IPMK: variants seen among roughly 807,000 people sequenced by gnomAD.
IPMK encodes inositol polyphosphate multikinase, also known as inositol 1,3,4,6-tetrakisphosphate 5-kinase.
Under a neutral mutation model 45.8 loss-of-function variants are expected in IPMK, and 17 were observed. That is an observed-to-expected ratio of 0.37 (90% CI 0.25 to 0.56). The LOEUF is 0.56. IPMK is among the 20% of genes least tolerant of loss of function. The probability of loss-of-function intolerance (pLI) is 0.79; values close to 1 mark genes in which losing one functional copy is unlikely to be tolerated. For synonymous variants in IPMK, 180 were observed against 184.3 expected (o/e 0.98, Z 0.19); for missense variants, 399 against 498.0 (o/e 0.80, Z 1.89).
chr10:58,222,028 C>A (rs1421279810), intron 3 of IPMK, among the ~76,000 whole-genome samples: 1 of 152,114 alleles, frequency 6.6e-6, no homozygotes, highest in Non-Finnish European at 1.5e-5. Context: ...GGATTACAGG[C>A]ATTAGCCACT....
chr10:58,196,490 G>A lies in IPMK; in HGVS notation c.837C>T (p.Ser279=). The A allele has an allele frequency of 1.2e-6, 2 of 1,613,882 alleles. No homozygotes were observed. The highest frequency in any genetic ancestry group is 2.2e-5 in the South Asian group (2 of 91,044). ...NDRTLAEKFL[S]KGQLSDTEVL... ...CTTCTGTGTCTGACAGTTGTCCTTT[G>A]GACAAAAACTTTTCTGCCAAAGTTC... is the stretch of plus-strand genomic sequence containing the variant. Residue 279 remains serine (S), a synonymous_variant, in exon 6 of 6, where the codon TCC becomes TCT. Transcript: ENST00000373935.
At chr10:58,229,244 G>C (rs1293178081) in intron 2 of IPMK, among the ~76,000 whole-genome samples, 1 of 152,002 alleles carries the variant, frequency 6.6e-6, no homozygotes, top group Non-Finnish European at 1.5e-5. Flanking sequence ...GCTTTGTCAA[G>C]AGGGCAATTT....
chr10:58,256,984 G>A (rs1276106276), intron 1 of IPMK, among the ~76,000 whole-genome samples: 1 of 152,162 alleles, frequency 6.6e-6, no homozygotes, highest in East Asian at 1.9e-4. Flanking sequence ...AGGATCACTT[G>A]AGCCCAGGAG....
At chr10:58,238,348 AT>A in intron 1 of IPMK, among the ~76,000 whole-genome samples, 1 of 152,350 alleles carries the variant, frequency 6.6e-6, no homozygotes, top group Middle Eastern at 3.4e-3. Context: ...CATCTAGCCA[AT>A]GGGTAAAGTT....
intron 4 of IPMK, among the ~76,000 whole-genome samples, chr10:58,209,843 G>C (rs1005663198): frequency 1.3e-5 from 2 of 152,220 alleles, no homozygotes; most frequent in African/African-American, 4.8e-5. Flanking sequence ...ATTCTGTCAT[G>C]AGTTGCTGTA....
chr10:58,219,836 G>A (rs889412842), intron 3 of IPMK, among the ~76,000 whole-genome samples: 5 of 152,186 alleles, frequency 3.3e-5, no homozygotes, highest in Non-Finnish European at 5.9e-5. Flanking sequence ...TATTTATTAC[G>A]TATCATAGAC....
chr10:58,207,443 G>A (rs1377833475), intron 4 of IPMK, among the ~76,000 whole-genome samples: 1 of 152,194 alleles, frequency 6.6e-6, no homozygotes, highest in Non-Finnish European at 1.5e-5. Context: ...TTGCTAGATC[G>A]AATGGTAGTT....
intron 3 of IPMK, among the ~76,000 whole-genome samples, chr10:58,217,791 G>C (rs540838131): frequency 6.7e-6 from 1 of 149,108 alleles, no homozygotes; most frequent in South Asian, 2.1e-4. Flanking sequence ...CTCAAACACA[G>C]AAAAGATTAC....
chr10:58,233,891 G>C (rs566414255), intron 2 of IPMK, among the ~76,000 whole-genome samples: 2 of 152,288 alleles, frequency 1.3e-5, no homozygotes, highest in Admixed American at 1.3e-4. Flanking sequence ...CCTGTTTGTA[G>C]ATGACATGAT....
chr10:58,220,862 T>A (rs1040294046), intron 3 of IPMK, among the ~76,000 whole-genome samples: 1 of 152,196 alleles, frequency 6.6e-6, no homozygotes, highest in South Asian at 2.1e-4. Flanking sequence ...TAAGTATATA[T>A]AAATATTAAA....
intron 1 of IPMK, among the ~76,000 whole-genome samples, chr10:58,265,929 T>C (rs1261258128): frequency 6.6e-6 from 1 of 152,198 alleles, no homozygotes; most frequent in Non-Finnish European, 1.5e-5. Context: ...CTAGGGACCT[T>C]TAGGGAAACA....
chr10:58,204,555 A>G (rs904639485), intron 4 of IPMK, among the ~76,000 whole-genome samples: 1 of 152,190 alleles, frequency 6.6e-6, no homozygotes, highest in Non-Finnish European at 1.5e-5. Context: ...GCACTTTGGG[A>G]GGCCAAGGCG....
chr10:58,205,452 C>A (rs1838057356), intron 4 of IPMK, among the ~76,000 whole-genome samples: 1 of 151,908 alleles, frequency 6.6e-6, no homozygotes, highest in African/African-American at 2.4e-5. Context: ...AAATCAAAAC[C>A]ACAAGGAGAT....
intron 3 of IPMK, among the ~76,000 whole-genome samples, chr10:58,217,234 C>A (rs1441342791): frequency 6.7e-6 from 1 of 148,712 alleles, no homozygotes; most frequent in Non-Finnish European, 1.5e-5. Flanking sequence ...ATCCTGCACA[C>A]ATCTTTCCAC....
intron 3 of IPMK, 32 bp downstream of exon 3, chr10:58,227,011 A>C: frequency 2.7e-6 from 4 of 1,474,890 alleles, no homozygotes; most frequent in Non-Finnish European, 3.8e-6. Context: ...TCATGAATTA[A>C]AACTGAAAGA....
intron 4 of IPMK, among the ~76,000 whole-genome samples, chr10:58,202,297 C>T (rs1444315497): frequency 6.6e-6 from 1 of 152,132 alleles, no homozygotes; most frequent in East Asian, 1.9e-4. Flanking sequence ...AAAGGACAGG[C>T]TAACTCTCTT....
chr10:58,266,645 C>T (rs537946058), intron 1 of IPMK, among the ~76,000 whole-genome samples: 1 of 152,248 alleles, frequency 6.6e-6, no homozygotes, highest in East Asian at 1.9e-4. Flanking sequence ...GCCCAGGGAA[C>T]CACTACGGGT....
At chr10:58,232,393 C>T (rs1193103578) in intron 2 of IPMK, among the ~76,000 whole-genome samples, 1 of 152,186 alleles carries the variant, frequency 6.6e-6, no homozygotes, top group African/African-American at 2.4e-5. Flanking sequence ...CTTCTCAGCA[C>T]ATCACACTTA....
At chr10:58,199,449 A>C (rs1837965906) in intron 4 of IPMK, 128 bp from the exon 5 acceptor site, 1 of 531,894 alleles carries the variant, frequency 1.9e-6, no homozygotes, top group Admixed American at 3.9e-5. Flanking sequence ...GAGAAGAAAA[A>C]AAAAAATCGC....
Sources: allele counts gnomAD v4.1 joint callset (sites outside exome capture counted in the v4.1 genomes callset), GRCh38; gene constraint gnomAD v4.1.1; transcripts MANE v1.5; gene names NCBI Gene and HGNC (gene_info 2026-07-23, HGNC 2026-07-21).